CCPG1: variants seen among roughly 807,000 people sequenced by gnomAD.
CCPG1 encodes cell cycle progression 1.
Under a neutral mutation model 81.3 loss-of-function variants are expected in CCPG1, and 46 were observed. The ratio of observed to expected loss-of-function variants is 0.57; its 90% confidence interval spans 0.45 to 0.72. CCPG1 has a LOEUF of 0.72. Ranked by LOEUF, CCPG1 falls within the 30% of genes least tolerant of loss-of-function variation. The pLI is 0.00. For missense variants in CCPG1, 902 were observed against 937.6 expected, an observed-to-expected ratio of 0.96 and a Z score of 0.50; for synonymous variants, 330 against 305.2, an observed-to-expected ratio of 1.08 and a Z score of -0.85.
In CCPG1 at chr15:55,385,581, G is replaced by T; in HGVS notation, c.175+19C>A. 7.5e-7 allele frequency: 1 copy of T among 1,335,220 alleles called. No homozygotes were observed. Among genetic ancestry groups the T allele is most frequent in the Non-Finnish European group, 1.0e-6 (1 of 957,616 alleles). The allele number at this position is 1,335,220 out of a possible 1,614,324, so 82.7% of individuals were successfully genotyped here. A position where few individuals can be genotyped will look rare whatever the true frequency, so the allele number is the denominator to read the frequency against. On this transcript the variant is annotated intron_variant, in intron 3 of 8. Coordinates refer to ENST00000442196, the MANE Select transcript of CCPG1 (RefSeq NM_001204450.2). Reference sequence around the variant, plus strand: ...ATATATCATATTAAAAAAAAAATTAGAATTTGTGAACAACTTACCTCCTTG... The same window carrying T: ...ATATATCATATTAAAAAAAAAATTATAATTTGTGAACAACTTACCTCCTTG...
intron 1 of CCPG1, among the ~76,000 whole-genome samples, chr15:55,395,790 A>G (rs969038258): frequency 6.6e-5 from 10 of 152,182 alleles, no homozygotes; most frequent in Admixed American, 1.3e-4. Context: ...AATGCTAAAT[A>G]CATATTAAGC....
Position 55,384,398 on chromosome 15 carries a change from G to A in CCPG1, c.175+1202C>T, listed in dbSNP as rs57573318. Among the ~76,000 whole-genome samples the A allele has an allele frequency of 1.1e-4, 16 of 152,252 alleles. No homozygotes were observed. The East Asian group carries it at 2.9e-3, about 28-fold the overall frequency. On this transcript the variant is annotated intron_variant, in intron 3 of 8. Transcript: ENST00000442196. ...TTACAGGCCAGGCGCAGTGGCTCAC[G>A]CCTGTAATCCCAGCACTTTGGGAGG...
intron 1 of CCPG1, among the ~76,000 whole-genome samples, chr15:55,403,692 A>C (rs1457936840): frequency 6.6e-6 from 1 of 152,218 alleles, no homozygotes. Context: ...GTTTTAGTCT[A>C]GTTACAATTA....
rs192246525 is a variant in CCPG1 at position 55,382,731 on chromosome 15, G to A, written c.175+2869C>T. 3.0e-4 allele frequency among the ~76,000 whole-genome samples: 45 copies of A among 152,002 alleles called. No individual in the cohort carries two copies. The East Asian group carries it at 7.4e-3, about 25-fold the overall frequency. The stretch of plus-strand genomic sequence containing the variant: ...TCACCGTGTGAGCCAGGATGGTCTC[G>A]ATCTCCTGACCTCATGATCCGCCCA... On this transcript the variant is annotated intron_variant, in intron 3 of 8. Transcript: ENST00000442196.
Position 55,383,295 on chromosome 15 carries a change from T to A in CCPG1, c.175+2305A>T, listed in dbSNP as rs2056738062. Among the ~76,000 whole-genome samples the A allele has an allele frequency of 2.0e-5, 3 of 152,218 alleles. No individual in the cohort carries two copies. In the South Asian group the frequency reaches 6.2e-4, roughly 31 times the overall value. On this transcript the variant is annotated intron_variant, in intron 3 of 8. Coordinates refer to ENST00000442196, the MANE Select transcript of CCPG1 (RefSeq NM_001204450.2). ...GAGCAGCAGGTCTCAACACTGAGCT[T>A]AAAATATTCAGTAAACCATGTTGTA... is the stretch of plus-strand genomic sequence containing the variant.
chr15:55,361,317 G>A (rs928899869), intron 7 of CCPG1, among the ~76,000 whole-genome samples: 1 of 151,622 alleles, frequency 6.6e-6, no homozygotes, highest in Non-Finnish European at 1.5e-5. Flanking sequence ...ATGAACCACC[G>A]CGCCTGGCTG....
intron 6 of CCPG1, among the ~76,000 whole-genome samples, chr15:55,369,602 G>A (rs1290899721): frequency 6.6e-6 from 1 of 151,790 alleles, no homozygotes; most frequent in Admixed American, 6.6e-5. Flanking sequence ...GGTCTTGTAT[G>A]TTAATTCAAC....
chr15:55,358,176 G>T, intron 8 of CCPG1: 1 of 190,248 alleles, frequency 5.3e-6, no homozygotes. Context: ...GTGAAAGGGT[G>T]AAGGTTCTCA....
In CCPG1 at chr15:55,365,185, T is replaced by C; in HGVS notation, c.828+3A>G. The C allele has an allele frequency of 7.0e-7, 1 of 1,434,360 alleles. No homozygotes were observed. The highest frequency in any genetic ancestry group is 9.6e-7 in the Non-Finnish European group (1 of 1,040,078). 88.9% of individuals were successfully genotyped at this position (1,434,360 alleles called of 1,614,324 possible). ...TATTTTAAATACTGTTAGTGGTACA[T>C]ACCTTATAATCTATAAAAGATTCTT... On this transcript the variant is annotated splice_donor_region_variant and intron_variant, in intron 7 of 8. Transcript: ENST00000442196.
intron 6 of CCPG1, among the ~76,000 whole-genome samples, chr15:55,369,531 T>C (rs538247333): frequency 3.7e-4 from 56 of 149,758 alleles, no homozygotes; most frequent in Non-Finnish European, 7.1e-4. Context: ...CAAAACTCTG[T>C]CTCAAAAAAA....
chr15:55,406,521 G>A (rs2057228054), intron 1 of CCPG1, among the ~76,000 whole-genome samples: 1 of 127,824 alleles, frequency 7.8e-6, no homozygotes, highest in Non-Finnish European at 1.6e-5. Flanking sequence ...GCCAGATCTT[G>A]TGGCTCACTG....
Position 55,371,964 on chromosome 15 carries a change from G to C in CCPG1, c.535C>G (p.Arg179Gly). The C allele has an allele frequency of 6.2e-7, 1 of 1,614,084 alleles. No homozygotes were observed. The highest frequency in any genetic ancestry group is 8.5e-7 in the Non-Finnish European group (1 of 1,179,976). ...GCAGAAACGGTCTTCTTCCTAGCAC[G>C]GCGTCGTCTAAAGGCAGGACTGGGC... ...NQPSPAFRRR[R>G]ARKKTVSASE... The change falls in exon 6 of 9, where the codon CGT (arginine) becomes GGT (glycine). Residue 179 changes from arginine (R) to glycine (G), a missense_variant. Physicochemically the swap from Arg to Gly is moderately radical, Grantham distance 125. Transcript: ENST00000442196.
At chr15:55,389,964 G>A (rs982946305) in intron 1 of CCPG1, among the ~76,000 whole-genome samples, 3 of 152,298 alleles carry the variant, frequency 2.0e-5, no homozygotes, top group Non-Finnish European at 2.9e-5. Flanking sequence ...TCGAGCTGTC[G>A]ACCGGTTGGA....
chr15:55,366,176 T>C (rs1177032325), intron 6 of CCPG1, among the ~76,000 whole-genome samples: 1 of 152,214 alleles, frequency 6.6e-6, no homozygotes, highest in East Asian at 1.9e-4. Flanking sequence ...TCTTACTATA[T>C]TGAAGGCACT....
intron 1 of CCPG1, among the ~76,000 whole-genome samples, chr15:55,403,574 A>G (rs1339774124): frequency 6.6e-6 from 1 of 152,202 alleles, no homozygotes; most frequent in African/African-American, 2.4e-5. Flanking sequence ...CTTAATTACA[A>G]TCCTTCCCAT....
intron 1 of CCPG1, among the ~76,000 whole-genome samples, chr15:55,399,357 C>T (rs902418454): frequency 1.4e-4 from 20 of 143,702 alleles, no homozygotes; most frequent in Admixed American, 1.3e-3. Flanking sequence ...ACTGTCAGGT[C>T]GGGTACAGTT....
chr15:55,378,000 G>C (rs1424794627), intron 4 of CCPG1, among the ~76,000 whole-genome samples: 1 of 152,134 alleles, frequency 6.6e-6, no homozygotes, highest in Admixed American at 6.5e-5. Flanking sequence ...GTCTCAGGTT[G>C]TTACCAAATT....
chr15:55,377,211 C>T (rs1595841099), intron 4 of CCPG1, 61 bp from the exon 5 acceptor site: 2 of 1,163,906 alleles, frequency 1.7e-6, no homozygotes, highest in East Asian at 2.3e-5. Context: ...CTTACATTTT[C>T]TTAGAATACA....
chr15:55,387,452 T>G (rs112835015), intron 2 of CCPG1, among the ~76,000 whole-genome samples: 1 of 152,212 alleles, frequency 6.6e-6, no homozygotes, highest in African/African-American at 2.4e-5. Context: ...GAAATTTTAA[T>G]GCAGAAAAGG....
Sources: allele counts gnomAD v4.1 joint callset (sites outside exome capture counted in the v4.1 genomes callset), GRCh38; gene constraint gnomAD v4.1.1; transcripts MANE v1.5; gene names NCBI Gene and HGNC (gene_info 2026-07-23, HGNC 2026-07-21).